The following KIF20B variants were observed in gnomAD, a reference collection of about 807,000 sequenced individuals.
KIF20B encodes kinesin-like protein KIF20B.
In KIF20B, 188 loss-of-function variants were observed where a neutral mutation model predicts 232.5. That is an observed-to-expected ratio of 0.81 (90% confidence interval 0.72 to 0.91). KIF20B has a LOEUF of 0.91. Ranked by LOEUF, KIF20B falls within the 40% of genes least tolerant of loss-of-function variation. The pLI is 0.00. For missense variants in KIF20B, 2,154 were observed against 2,055.9 expected (o/e 1.05, Z -0.92); for synonymous variants, 712 against 683.0 (o/e 1.04, Z -0.66).
rs764002359 is a variant in KIF20B at position 89,727,837 on chromosome 10, A to G, written c.2231-19A>G. The G allele has an allele frequency of 2.6e-6, 4 of 1,532,768 alleles. No individual in the cohort carries two copies. Among genetic ancestry groups the G allele is most frequent in the Non-Finnish European group, 3.6e-6 (4 of 1,120,428 alleles). The allele number at this position is 1,532,768 out of a possible 1,614,324, so 94.9% of individuals were successfully genotyped here. On this transcript the variant is annotated intron_variant, in intron 16 of 32. Transcript: ENST00000371728. Reference sequence around the variant, plus strand: ...TTAGATGCTTAGATATTTATTTTCAATGTTCTTTATTTTTTCAGAATCAGA... The same window carrying G: ...TTAGATGCTTAGATATTTATTTTCAGTGTTCTTTATTTTTTCAGAATCAGA...
Position 89,715,058 on chromosome 10 carries a change from G to C in KIF20B, c.816G>C (p.Trp272Cys). The C allele has an allele frequency of 6.2e-7, 1 of 1,604,962 alleles. No homozygotes were observed. The highest frequency in any genetic ancestry group is 2.2e-5 in the East Asian group (1 of 44,620). The change falls in exon 8 of 33, where the codon TGG becomes TGC. Residue 272 changes from tryptophan to cysteine, a missense_variant. Trp to Cys is a radical substitution (Grantham distance 215, BLOSUM62 -2). Transcript: ENST00000371728. ...CTAATAGTATAAAATTTTCTGTGTG[G>C]GTTTCTTTCTTTGAAATTTACAATG... Reference protein sequence around the residue: ...NMANSIKFSVWVSFFEIYNEY... With the variant: ...NMANSIKFSVCVSFFEIYNEY...
At chr10:89,717,297 T>A in intron 9 of KIF20B, 127 bp from the exon 10 acceptor site, 1 of 602,390 alleles carries the variant, frequency 1.7e-6, no homozygotes, top group East Asian at 2.8e-5. Flanking sequence ...TAACAGCTAA[T>A]TGGAAAATGC....
In KIF20B at chr10:89,737,519, C is replaced by G; in HGVS notation, c.2678C>G (p.Thr893Ser). The G allele has an allele frequency of 6.2e-7, 1 of 1,609,272 alleles. No individual in the cohort carries two copies. Among genetic ancestry groups the G allele is most frequent in the Non-Finnish European group, 8.5e-7 (1 of 1,177,394 alleles). ...NNEGLRAFLL[T>S]IENELKNEKE... ...GAAGGACTGAGAGCATTTTTACTCA[C>G]TATTGAGAATGAACTTAAAAATGAA... Residue 893 changes from threonine (T) to serine (S), a missense_variant, in exon 20 of 33, where the codon ACT (threonine) becomes AGT (serine). Thr to Ser is a moderately conservative substitution (Grantham distance 58). Transcript: ENST00000371728.
chr10:89,772,025 C>G (rs1319180258), intron 31 of KIF20B, among the ~76,000 whole-genome samples: 1 of 149,454 alleles, frequency 6.7e-6, no homozygotes, highest in African/African-American at 2.5e-5. Flanking sequence ...TCAATTTAGT[C>G]TAATGCCTTA....
At chr10:89,773,363 G>T (rs1244842772) in intron 32 of KIF20B, among the ~76,000 whole-genome samples, 2 of 151,868 alleles carry the variant, frequency 1.3e-5, no homozygotes, top group Admixed American at 6.6e-5. Context: ...GGATGAAAGT[G>T]AAGGTAAAAA....
At position 89,758,867 on chromosome 10, in the gene KIF20B, A is replaced by G. The variant is rs763203450; in HGVS notation, c.4665A>G (p.Ser1555=). 1 of 1,567,582 alleles carries G rather than the reference A, an allele frequency of 6.4e-7. No individual in the cohort carries two copies. Among genetic ancestry groups the G allele is most frequent in the Middle Eastern group, 1.7e-4 (1 of 5,912 alleles). ...NEIEQLKRII[S]ETSKIETQIM... is the part of the protein sequence containing the mutation. ...TTGAACAACTAAAAAGGATCATATC[A>G]GAGACTTCTAAAATAGTCAGTAGTC... Residue 1555 remains serine, a synonymous_variant, in exon 27 of 33, where the codon TCA becomes TCG. Transcript: ENST00000371728.
chr10:89,752,510 C>G, intron 24 of KIF20B, 57 bp from the exon 25 acceptor site: 1 of 1,335,676 alleles, frequency 7.5e-7, no homozygotes, highest in Non-Finnish European at 1.0e-6. Flanking sequence ...AAGTGTATCT[C>G]TACATGGTAT....
At chr10:89,765,468 A>G (rs1463059655) in intron 29 of KIF20B, among the ~76,000 whole-genome samples, 3 of 152,174 alleles carry the variant, frequency 2.0e-5, no homozygotes, top group Non-Finnish European at 4.4e-5. Context: ...GCCCAAGCTA[A>G]TTTATAGATT....
chr10:89,708,160 A>G (rs1010639863), intron 2 of KIF20B, among the ~76,000 whole-genome samples: 1 of 151,754 alleles, frequency 6.6e-6, no homozygotes, highest in African/African-American at 2.4e-5. Context: ...ACTCAAAATT[A>G]GTTAAGGTAT....
At chr10:89,701,796 C>T (rs1202739248) in intron 1 of KIF20B, 116 bp downstream of exon 1, 1 of 152,110 alleles carries the variant, frequency 6.6e-6, no homozygotes, top group Non-Finnish European at 1.5e-5. Flanking sequence ...AGGGCTCATA[C>T]CCCAGTGGAG....
At chr10:89,736,730 A>G (rs962196295) in intron 19 of KIF20B, among the ~76,000 whole-genome samples, 3 of 152,100 alleles carry the variant, frequency 2.0e-5, no homozygotes, top group African/African-American at 2.4e-5. Flanking sequence ...AATCTATCCA[A>G]TGCACAGTGT....
intron 16 of KIF20B, 28 bp from the exon 17 acceptor site, chr10:89,727,824 ATATT>A: frequency 2.0e-6 from 3 of 1,506,296 alleles, no homozygotes; most frequent in Non-Finnish European, 2.7e-6. Flanking sequence ...AGATGCTTAG[ATATT>A]TATTTTCAAT....
intron 25 of KIF20B, among the ~76,000 whole-genome samples, chr10:89,753,697 T>G (rs566217977): frequency 2.8e-4 from 42 of 152,270 alleles, no homozygotes; most frequent in African/African-American, 1.0e-3. Flanking sequence ...CTCGGCTCAC[T>G]GCAGCCTCCA....
chr10:89,707,748 C>G (rs1174894497), intron 2 of KIF20B, among the ~76,000 whole-genome samples: 1 of 152,000 alleles, frequency 6.6e-6, no homozygotes. Flanking sequence ...CATTTTGCTG[C>G]TCATCTTAGA....
intron 29 of KIF20B, among the ~76,000 whole-genome samples, chr10:89,767,648 A>C (rs535883245): frequency 5.9e-5 from 9 of 152,166 alleles, no homozygotes; most frequent in African/African-American, 2.2e-4. Context: ...GCTTTGTCCT[A>C]TGTGAGGTTA....
At position 89,727,886 on chromosome 10, in the gene KIF20B, C is replaced by A. The variant is rs1206233983; in HGVS notation, c.2261C>A (p.Thr754Lys). ...GATTCATTGATTCAAGAGCTTGAGA[C>A]ATCTAATAAGGTAATGCTTTAAGTT... Reference protein sequence around the residue: ...ESDSLIQELETSNKKIITQNQ... With the variant: ...ESDSLIQELEKSNKKIITQNQ... The change falls in exon 17 of 33, where the codon ACA (threonine) becomes AAA (lysine). Residue 754 changes from threonine to lysine, a missense_variant. Coordinates refer to ENST00000371728, the MANE Select transcript of KIF20B (RefSeq NM_001284259.2). 3.2e-6 allele frequency: 5 copies of A among 1,558,184 alleles called. No homozygotes were observed. Among genetic ancestry groups the A allele is most frequent in the Non-Finnish European group, 4.4e-6 (5 of 1,141,216 alleles).
chr10:89,710,169 C>T (rs565782899), intron 5 of KIF20B, 104 bp downstream of exon 5: 46 of 952,534 alleles, frequency 4.8e-5, no homozygotes, highest in East Asian at 1.5e-4. Flanking sequence ...ACCTAGTATG[C>T]GTTTGCTCTA....
intron 17 of KIF20B, 83 bp downstream of exon 17, chr10:89,727,979 A>T (rs1313979278): frequency 1.6e-6 from 2 of 1,241,352 alleles, no homozygotes; most frequent in East Asian, 2.8e-5. Flanking sequence ...TGTTTATTTT[A>T]AAAAATAATT....
chr10:89,744,505 G>A (rs1841871062), intron 22 of KIF20B, among the ~76,000 whole-genome samples: 1 of 152,126 alleles, frequency 6.6e-6, no homozygotes, highest in Non-Finnish European at 1.5e-5. Flanking sequence ...CCATGGTAGT[G>A]TAATATGATA....
Sources: allele counts gnomAD v4.1 joint callset (sites outside exome capture counted in the v4.1 genomes callset), GRCh38; gene constraint gnomAD v4.1.1; transcripts MANE v1.5; gene names NCBI Gene and HGNC (gene_info 2026-07-23, HGNC 2026-07-21).